UBE2G1: variants seen among roughly 807,000 people sequenced by gnomAD.
UBE2G1 encodes ubiquitin-conjugating enzyme E2 G1.
Under a neutral mutation model 22.7 loss-of-function variants are expected in UBE2G1, and 5 were observed. The observed-to-expected ratio is 0.22, with a 90% CI of 0.12 to 0.46. The LOEUF (loss-of-function observed/expected upper bound fraction) is 0.46, where lower values mean the gene tolerates loss of function less well. Among genes scored for constraint, UBE2G1 ranks in the 20% least tolerant of loss-of-function variants. The probability of loss-of-function intolerance (pLI) is 0.99; values close to 1 mark genes in which losing one functional copy is unlikely to be tolerated. For synonymous variants in UBE2G1, 74 were observed against 67.5 expected (o/e 1.10, Z -0.47); for missense variants, 88 against 203.9 (o/e 0.43, Z 3.46).
chr17:4,313,337 T>G (rs1223682994), intron 1 of UBE2G1, among the ~76,000 whole-genome samples: 1 of 152,220 alleles, frequency 6.6e-6, no homozygotes, highest in Non-Finnish European at 1.5e-5. Flanking sequence ...GGGAGAAGTT[T>G]AAAATTCCTA....
At chr17:4,361,464 T>C (rs573426667) in intron 1 of UBE2G1, among the ~76,000 whole-genome samples, 7 of 151,996 alleles carry the variant, frequency 4.6e-5, no homozygotes, top group African/African-American at 1.5e-4. Context: ...GAGGGAGAGA[T>C]TGCAGTGAGC....
At chr17:4,339,073 T>C (rs1274308851) in intron 1 of UBE2G1, among the ~76,000 whole-genome samples, 1 of 152,204 alleles carries the variant, frequency 6.6e-6, no homozygotes, top group African/African-American at 2.4e-5. Flanking sequence ...CAGGAATGTA[T>C]ATTACATTTT....
Position 4,269,935 on chromosome 17 carries a change from T to C in UBE2G1, c.*2619A>G, listed in dbSNP as rs1377288627. 1 of 152,866 alleles carries C rather than the reference T, an allele frequency of 6.5e-6. No individual in the cohort carries two copies. The highest frequency in any genetic ancestry group is 2.4e-5 in the African/African-American group (1 of 41,436). The allele number at this position is 152,866 out of a possible 1,614,324, so 9.5% of individuals were successfully genotyped here. ...TCGTTCAGTGTCACCTGAATGTGGG[T>C]TTCGTATCAAATGTAGAGGCATTTA... On this transcript the variant is annotated 3_prime_UTR_variant, in exon 6 of 6. Coordinates refer to ENST00000396981, the MANE Select transcript of UBE2G1 (RefSeq NM_003342.5).
chr17:4,320,432 C>T (rs1054338713), intron 1 of UBE2G1, among the ~76,000 whole-genome samples: 18 of 152,128 alleles, frequency 1.2e-4, no homozygotes, highest in African/African-American at 4.1e-4. Flanking sequence ...ATTACCTTAG[C>T]TGGGTTGTCA....
intron 1 of UBE2G1, among the ~76,000 whole-genome samples, chr17:4,316,708 G>A (rs1195111130): frequency 6.6e-6 from 1 of 152,016 alleles, no homozygotes; most frequent in Non-Finnish European, 1.5e-5. Flanking sequence ...TTTTTGGCCA[G>A]GCACAGTGGC....
Position 4,296,613 on chromosome 17 carries a change from C to T in UBE2G1, c.247+104G>A, listed in dbSNP as rs141620886. 232 of 1,202,578 alleles carry T rather than the reference C, an allele frequency of 1.9e-4. 1 individual carries two copies. In the African/African-American group the frequency reaches 3.0e-3, roughly 16 times the overall value. 74.5% of individuals were successfully genotyped at this position (1,202,578 alleles called of 1,614,324 possible). Reference sequence around the variant, plus strand: ...GTGCACAATGAACAGTACAAAAATGCCAAAGCAATTTCACTGAGAAACAGA... The same window carrying T: ...GTGCACAATGAACAGTACAAAAATGTCAAAGCAATTTCACTGAGAAACAGA... On this transcript the variant is annotated intron_variant, in intron 3 of 5. Transcript: ENST00000396981.
At chr17:4,302,774 A>G (rs1969200125) in intron 2 of UBE2G1, 1 of 186,740 alleles carries the variant, frequency 5.4e-6, no homozygotes, top group Non-Finnish European at 1.1e-5. Flanking sequence ...TTAAAAATTT[A>G]GAGTTTAGTC....
At chr17:4,291,961 TC>T (rs1172763910) in intron 3 of UBE2G1, among the ~76,000 whole-genome samples, 1 of 152,168 alleles carries the variant, frequency 6.6e-6, no homozygotes, top group African/African-American at 2.4e-5. Flanking sequence ...TTCTTAGTTT[TC>T]CCCATATAAT....
At chr17:4,362,025 T>C (rs1205263085) in intron 1 of UBE2G1, among the ~76,000 whole-genome samples, 1 of 151,668 alleles carries the variant, frequency 6.6e-6, no homozygotes, top group African/African-American at 2.4e-5. Context: ...AAAGAACTTA[T>C]GGCCAGGGTG....
At chr17:4,323,794 C>T (rs565481164) in intron 1 of UBE2G1, among the ~76,000 whole-genome samples, 20 of 152,270 alleles carry the variant, frequency 1.3e-4, no homozygotes, top group African/African-American at 4.6e-4. Flanking sequence ...CTGCCCACCT[C>T]GGCCTCCCAA....
At chr17:4,300,309 G>C (rs1007845822) in intron 2 of UBE2G1, among the ~76,000 whole-genome samples, 1 of 152,120 alleles carries the variant, frequency 6.6e-6, no homozygotes, top group Admixed American at 6.5e-5. Context: ...TTGGGAGGCT[G>C]AGGCGGGCGG....
chr17:4,326,951 C>T (rs1437069907), intron 1 of UBE2G1, among the ~76,000 whole-genome samples: 1 of 152,208 alleles, frequency 6.6e-6, no homozygotes, highest in Non-Finnish European at 1.5e-5. Flanking sequence ...CACCTGAGGT[C>T]AGGAGTTTGA....
rs113778304 is a variant in UBE2G1 at position 4,323,318 on chromosome 17, A to C, written c.47-16195T>G. On this transcript the variant is annotated intron_variant, in intron 1 of 5. Transcript: ENST00000396981. Reference sequence around the variant, plus strand: ...ACTTAAGAGCAACCTGTAAAACAAAAGTAAGGACTCATCACAACCTATGAG... The same window carrying C: ...ACTTAAGAGCAACCTGTAAAACAAACGTAAGGACTCATCACAACCTATGAG... Among the ~76,000 whole-genome samples, 365 of 152,356 alleles carry C rather than the reference A, an allele frequency of 2.4e-3. 1 individual carries two copies. Among genetic ancestry groups the C allele is most frequent in the African/African-American group, 8.3e-3 (347 of 41,576 alleles).
chr17:4,317,814 T>C (rs1969393863), intron 1 of UBE2G1, among the ~76,000 whole-genome samples: 1 of 152,208 alleles, frequency 6.6e-6, no homozygotes, highest in Middle Eastern at 3.2e-3. Flanking sequence ...TGTGCATAAA[T>C]TATACACAAT....
chr17:4,294,585 G>A (rs1260978662), intron 3 of UBE2G1, among the ~76,000 whole-genome samples: 1 of 152,006 alleles, frequency 6.6e-6, no homozygotes, highest in Non-Finnish European at 1.5e-5. Flanking sequence ...CCATGTATTT[G>A]CTTACATGTA....
Position 4,269,402 on chromosome 17 carries a change from C to G in UBE2G1, c.*3152G>C, listed in dbSNP as rs1049179278. On this transcript the variant is annotated 3_prime_UTR_variant, in exon 6 of 6. Transcript: ENST00000396981. ...CAGAACTAAAAAAACTGAAATGAAGCAACATTATGTCAAATTTCAAAGATG... is the reference window on the plus strand; with the variant it reads ...CAGAACTAAAAAAACTGAAATGAAGGAACATTATGTCAAATTTCAAAGATG... The G allele has an allele frequency of 5.2e-5, 8 of 153,930 alleles. No homozygotes were observed. The highest frequency in any genetic ancestry group is 8.7e-5 in the Non-Finnish European group (6 of 69,128). 9.5% of individuals were successfully genotyped at this position (153,930 alleles called of 1,614,324 possible). A position where few individuals can be genotyped will look rare whatever the true frequency, so the allele number is the denominator to read the frequency against.
chr17:4,315,471 T>C (rs1969355485), intron 1 of UBE2G1, among the ~76,000 whole-genome samples: 2 of 152,112 alleles, frequency 1.3e-5, no homozygotes, highest in South Asian at 4.1e-4. Flanking sequence ...CCGGGCGCTG[T>C]GGCTCGCGCC....
In UBE2G1 at chr17:4,366,369, A is replaced by T. The variant is rs2143846816; in HGVS notation, c.-53T>A. On this transcript the variant is annotated 5_prime_UTR_variant, in exon 1 of 6. Coordinates refer to ENST00000396981, the MANE Select transcript of UBE2G1 (RefSeq NM_003342.5). ...CCGGGGCTTCCGAAGGGCTGGGGAC[A>T]GGCTCTGGGGGCGGCTGGAGCGGGG... 1.4e-6 allele frequency: 2 copies of T among 1,463,028 alleles called. No homozygotes were observed. The highest frequency in any genetic ancestry group is 2.4e-4 in the Middle Eastern group (1 of 4,102). The allele number at this position is 1,463,028 out of a possible 1,614,324, so 90.6% of individuals were successfully genotyped here. A position where few individuals can be genotyped will look rare whatever the true frequency, so the allele number is the denominator to read the frequency against.
intron 1 of UBE2G1, among the ~76,000 whole-genome samples, chr17:4,321,709 T>C (rs1208211905): frequency 6.6e-6 from 1 of 152,052 alleles, no homozygotes; most frequent in African/African-American, 2.4e-5. Flanking sequence ...CCCAGACTGG[T>C]CTTGAACTCC....
Sources: allele counts gnomAD v4.1 joint callset (sites outside exome capture counted in the v4.1 genomes callset), GRCh38; gene constraint gnomAD v4.1.1; transcripts MANE v1.5; gene names NCBI Gene and HGNC (gene_info 2026-07-23, HGNC 2026-07-21).